Variants in AUTS2 observed in about 807,000 individuals in gnomAD.
AUTS2 encodes the protein activator of transcription and developmental regulator AUTS2, also known as autism susceptibility gene 2 protein.
Under a neutral mutation model 112.4 loss-of-function variants are expected in AUTS2, and 17 were observed. That is an observed-to-expected ratio of 0.15 (90% CI 0.10 to 0.23). The LOEUF is 0.23. AUTS2 is among the 10% of genes least tolerant of loss of function. The pLI is 1.00. For missense variants in AUTS2, 1,510 were observed against 1,701.6 expected (o/e 0.89, Z 1.98); for synonymous variants, 751 against 702.7 (o/e 1.07, Z -1.09).
At chr7:70,302,697 A>C (rs1474620210) in intron 4 of AUTS2, among the ~76,000 whole-genome samples, 1 of 151,966 alleles carries the variant, frequency 6.6e-6, no homozygotes, top group Non-Finnish European at 1.5e-5. Context: ...AAGGTGGCTA[A>C]ATTAGAGACT....
At chr7:70,240,751 T>C (rs1184091255) in intron 4 of AUTS2, among the ~76,000 whole-genome samples, 1 of 152,230 alleles carries the variant, frequency 6.6e-6, no homozygotes, top group Non-Finnish European at 1.5e-5. Context: ...CCTCCTTTAA[T>C]TCATGGGTTT....
At chr7:70,239,823 G>C (rs910371936) in intron 4 of AUTS2, among the ~76,000 whole-genome samples, 2 of 152,100 alleles carry the variant, frequency 1.3e-5, no homozygotes, top group Non-Finnish European at 2.9e-5. Context: ...TGCATTTATT[G>C]CACACCTACT....
chr7:70,693,482 A>G (rs1251754489), intron 5 of AUTS2, among the ~76,000 whole-genome samples: 1 of 152,188 alleles, frequency 6.6e-6, no homozygotes, highest in Non-Finnish European at 1.5e-5. Context: ...TGGCCAGTTC[A>G]TGCTCTTAAG....
intron 4 of AUTS2, among the ~76,000 whole-genome samples, chr7:70,403,871 G>A (rs780335831): frequency 1.6e-4 from 24 of 152,204 alleles, no homozygotes; most frequent in Non-Finnish European, 3.2e-4. Flanking sequence ...GTTTTGGAAG[G>A]AGATCAAAGA....
At chr7:69,730,250 G>C (rs566181679) in intron 1 of AUTS2, among the ~76,000 whole-genome samples, 1 of 151,566 alleles carries the variant, frequency 6.6e-6, no homozygotes, top group African/African-American at 2.4e-5. Context: ...AATATTTGTC[G>C]TACCTTTTCC....
intron 5 of AUTS2, among the ~76,000 whole-genome samples, chr7:70,597,655 G>GA (rs1803272237): frequency 6.6e-6 from 1 of 152,220 alleles, no homozygotes; most frequent in Non-Finnish European, 1.5e-5. Context: ...GGGAAGCAGT[G>GA]AAATTGGAGA....
chr7:70,404,588 G>A (rs886921559), intron 4 of AUTS2, among the ~76,000 whole-genome samples: 6 of 152,208 alleles, frequency 3.9e-5, no homozygotes, highest in South Asian at 2.1e-4. Context: ...AGAGAGCAGC[G>A]GTTATTTGGA....
At chr7:70,328,526 G>A (rs992474727) in intron 4 of AUTS2, among the ~76,000 whole-genome samples, 1 of 152,114 alleles carries the variant, frequency 6.6e-6, no homozygotes, top group Non-Finnish European at 1.5e-5. Context: ...CCAGCAGAGT[G>A]AGTTGTTTTT....
chr7:70,716,984 C>T (rs1013513329), intron 6 of AUTS2, among the ~76,000 whole-genome samples: 4 of 141,048 alleles, frequency 2.8e-5, no homozygotes, highest in African/African-American at 1.1e-4. Flanking sequence ...CTGGAAATCT[C>T]AGTGGAGTTA....
At chr7:70,098,801 C>G (rs1480803872) in intron 2 of AUTS2, among the ~76,000 whole-genome samples, 1 of 151,388 alleles carries the variant, frequency 6.6e-6, no homozygotes, top group East Asian at 1.9e-4. Flanking sequence ...CTCTTGGGTT[C>G]AAGCAATTCT....
At chr7:70,626,308 G>C (rs996586468) in intron 5 of AUTS2, among the ~76,000 whole-genome samples, 2 of 141,592 alleles carry the variant, frequency 1.4e-5, no homozygotes, top group Non-Finnish European at 3.0e-5. Context: ...AGGATTGCTT[G>C]AGCCTAAAAG....
At chr7:70,429,425 G>A (rs953100777) in intron 4 of AUTS2, among the ~76,000 whole-genome samples, 1 of 152,224 alleles carries the variant, frequency 6.6e-6, no homozygotes, top group Non-Finnish European at 1.5e-5. Context: ...TTCAAAAAAG[G>A]AACTGTGTTT....
At chr7:70,616,230 G>A (rs1804358328) in intron 5 of AUTS2, among the ~76,000 whole-genome samples, 1 of 152,200 alleles carries the variant, frequency 6.6e-6, no homozygotes, top group Non-Finnish European at 1.5e-5. Flanking sequence ...TAGGCCTTAT[G>A]CTAAAACTCT....
intron 6 of AUTS2, among the ~76,000 whole-genome samples, chr7:70,757,971 G>A (rs1563176557): frequency 6.6e-6 from 1 of 151,694 alleles, no homozygotes; most frequent in Non-Finnish European, 1.5e-5. Context: ...TAGCAGAGAT[G>A]GAGTTTCACC....
At chr7:70,294,129 T>A (rs1166276978) in intron 4 of AUTS2, 2 of 152,210 alleles carry the variant, frequency 1.3e-5, no homozygotes, top group African/African-American at 4.8e-5. Flanking sequence ...GAAAATGGGT[T>A]TTACAGTTTT....
intron 4 of AUTS2, among the ~76,000 whole-genome samples, chr7:70,166,252 GA>G (rs1341288645): frequency 6.6e-6 from 1 of 152,090 alleles, no homozygotes; most frequent in East Asian, 1.9e-4. Flanking sequence ...TGCAGCCCAT[GA>G]GCAAATAATT....
intron 5 of AUTS2, among the ~76,000 whole-genome samples, chr7:70,665,558 C>G (rs1171839906): frequency 6.6e-6 from 1 of 152,098 alleles, no homozygotes; most frequent in East Asian, 1.9e-4. Context: ...GCCTCGGCCT[C>G]CCAAAGTATT....
rs1790343958 is a variant in AUTS2, at chr7:70,771,587, C to T, written c.1773C>T (p.Pro591=). 2 of 1,613,636 alleles carry T rather than the reference C, an allele frequency of 1.2e-6. No homozygotes were observed. Among genetic ancestry groups the T allele is most frequent in the Non-Finnish European group, 1.7e-6 (2 of 1,179,648 alleles). ...ATCCTCCTGCAGTGTCGGGCATCCC[C>T]CCTATGATCCCACCCACTGGCCCTT... is the stretch of plus-strand genomic sequence containing the variant. The part of the protein sequence containing the change: ...HSYPPAVSGI[P]PMIPPTGPFG... Residue 591 remains proline, a synonymous_variant, in exon 11 of 19, where the codon CCC becomes CCT. Transcript: ENST00000342771.
intron 4 of AUTS2, among the ~76,000 whole-genome samples, chr7:70,322,482 A>G (rs1177207399): frequency 2.0e-5 from 3 of 152,144 alleles, no homozygotes; most frequent in Non-Finnish European, 2.9e-5. Context: ...GTGGAGCCCC[A>G]GGAAAAGGTG....
Sources: allele counts gnomAD v4.1 joint callset (sites outside exome capture counted in the v4.1 genomes callset), GRCh38; gene constraint gnomAD v4.1.1; transcripts MANE v1.5; gene names NCBI Gene and HGNC (gene_info 2026-07-23, HGNC 2026-07-21).